Variants in SCUBE1 observed in about 807,000 individuals in gnomAD.
SCUBE1 encodes the protein signal peptide, CUB domain and EGF like domain containing 1.
Under a neutral mutation model 124.4 loss-of-function variants are expected in SCUBE1, and 59 were observed. The ratio of observed to expected loss-of-function variants is 0.47; its 90% CI spans 0.38 to 0.59. The LOEUF is 0.59. Ranked by LOEUF, SCUBE1 falls within the 20% of genes least tolerant of loss-of-function variation. SCUBE1 has a pLI of 0.00. For synonymous variants in SCUBE1, 545 were observed against 550.9 expected (o/e 0.99, Z 0.15); for missense variants, 1,150 against 1,371.2 (o/e 0.84, Z 2.55).
At chr22:43,235,089 G>C (rs1400610016) in intron 7 of SCUBE1, among the ~76,000 whole-genome samples, 2 of 152,192 alleles carry the variant, frequency 1.3e-5, no homozygotes, top group African/African-American at 2.4e-5. Context: ...GGGGGTGGCT[G>C]TTCCTGTCTG....
intron 8 of SCUBE1, among the ~76,000 whole-genome samples, chr22:43,231,287 T>C (rs1314642574): frequency 6.6e-6 from 1 of 152,232 alleles, no homozygotes; most frequent in Non-Finnish European, 1.5e-5. Context: ...TCCTGCTGCA[T>C]CCTGGATCCC....
At chr22:43,242,484 G>T (rs1378021113) in intron 6 of SCUBE1, among the ~76,000 whole-genome samples, 1 of 152,238 alleles carries the variant, frequency 6.6e-6, no homozygotes, top group Non-Finnish European at 1.5e-5. Context: ...GCCCGGTGGG[G>T]AGGTTGGGGG....
In SCUBE1 at chr22:43,201,350, A is replaced by C. The variant is rs1324847158; in HGVS notation, c.*2647T>G. On this transcript the variant is annotated 3_prime_UTR_variant, in exon 22 of 22. Transcript: ENST00000360835. ...AAAGAAAACAAAAAAAGAAAACAAA[A>C]AACAAAACAAAAAAAACAAAACAAA... 1.5e-5 allele frequency: 2 copies of C among 130,358 alleles called. No homozygotes were observed. The highest frequency in any genetic ancestry group is 5.0e-5 in the African/African-American group (2 of 39,682). 8.1% of individuals were successfully genotyped at this position (130,358 alleles called of 1,614,324 possible). A position where few individuals can be genotyped will look rare whatever the true frequency, so the allele number is the denominator to read the frequency against.
In SCUBE1 at chr22:43,211,502, G is replaced by A. The variant is rs1182819600; in HGVS notation, c.2222-419C>T. ...GAGTCTGAGGGGTGCCGGGGCGGGGGGCTAGAGATGGGCAATTCTTTTTTT... is the reference window on the plus strand; with the variant it reads ...GAGTCTGAGGGGTGCCGGGGCGGGGAGCTAGAGATGGGCAATTCTTTTTTT... On this transcript the variant is annotated intron_variant, in intron 17 of 21. Transcript: ENST00000360835. The surrounding 1 kb of genome is among the most constrained non-coding windows in gnomAD (Gnocchi z 4.5). Among the ~76,000 whole-genome samples, 2 of 151,888 alleles carry A rather than the reference G, an allele frequency of 1.3e-5. No individual in the cohort carries two copies. The highest frequency in any genetic ancestry group is 2.4e-5 in the African/African-American group (1 of 41,276).
chr22:43,292,402 A>C (rs969385413), intron 3 of SCUBE1, among the ~76,000 whole-genome samples: 1 of 152,184 alleles, frequency 6.6e-6, no homozygotes, highest in Non-Finnish European at 1.5e-5. Flanking sequence ...CAATTACCAG[A>C]GTCATAACCC....
At chr22:43,230,438 G>A (rs1028466102) in intron 8 of SCUBE1, among the ~76,000 whole-genome samples, 4 of 152,090 alleles carry the variant, frequency 2.6e-5, no homozygotes, top group Non-Finnish European at 5.9e-5. Context: ...CCTGGAAGGG[G>A]GTGGAAAAGA....
At chr22:43,285,991 C>T (rs1204506291) in intron 4 of SCUBE1, among the ~76,000 whole-genome samples, 1 of 152,206 alleles carries the variant, frequency 6.6e-6, no homozygotes, top group African/African-American at 2.4e-5. Flanking sequence ...TCTCCCTCTG[C>T]TGAATGAACA....
At position 43,340,344 on chromosome 22, in the gene SCUBE1, G is replaced by C. The variant is rs778590880; in HGVS notation, c.89-1109C>G. 7.3e-4 allele frequency among the ~76,000 whole-genome samples: 111 copies of C among 152,156 alleles called. 1 individual carries two copies. The highest frequency in any genetic ancestry group is 1.5e-3 in the Non-Finnish European group (99 of 68,004). On this transcript the variant is annotated intron_variant, in intron 1 of 21. Transcript: ENST00000360835. The stretch of plus-strand genomic sequence containing the variant: ...TGCAAGTTCAGTCTAGGCTTTGAGG[G>C]CTCCCGACACTCTCTACCTCCTGCC...
chr22:43,214,047 G>GGGGGCCCCCCCCCC, intron 16 of SCUBE1, 43 bp downstream of exon 16: 3 of 143,440 alleles, frequency 2.1e-5, no homozygotes, highest in Non-Finnish European at 3.9e-5. Flanking sequence ...AGGAGCCCCC[G>GGGGGCCCCCCCCCC]CCCACCCCCC....
At chr22:43,339,681 A>ACC (rs1927215715) in intron 1 of SCUBE1, among the ~76,000 whole-genome samples, 1 of 46,214 alleles carries the variant, frequency 2.2e-5, no homozygotes, top group African/African-American at 8.4e-5. Flanking sequence ...TCCTCACTCT[A>ACC]TCCCCCCACA....
chr22:43,220,903 C>T (rs1922062248), intron 13 of SCUBE1, among the ~76,000 whole-genome samples: 1 of 152,146 alleles, frequency 6.6e-6, no homozygotes, highest in East Asian at 1.9e-4. Flanking sequence ...GAGCCTGCTG[C>T]GTGCTGAGAG....
rs1030693736 is a variant in SCUBE1 at position 43,200,400 on chromosome 22, C to T, written c.*3597G>A. 20 of 152,508 alleles carry T rather than the reference C, an allele frequency of 1.3e-4. No homozygotes were observed. Among genetic ancestry groups the T allele is most frequent in the African/African-American group, 4.3e-4 (18 of 41,600 alleles). The allele number at this position is 152,508 out of a possible 1,614,324, so 9.4% of individuals were successfully genotyped here. Reference sequence around the variant, plus strand: ...CCAGCTTCCATTTTTTCTTGGGCCTCGTTACGTGGATCCGTCCTACCTGGC... The same window carrying T: ...CCAGCTTCCATTTTTTCTTGGGCCTTGTTACGTGGATCCGTCCTACCTGGC... On this transcript the variant is annotated 3_prime_UTR_variant, in exon 22 of 22. Transcript: ENST00000360835.
At chr22:43,231,286 A>C (rs1922540897) in intron 8 of SCUBE1, among the ~76,000 whole-genome samples, 1 of 152,182 alleles carries the variant, frequency 6.6e-6, no homozygotes, top group Non-Finnish European at 1.5e-5. Flanking sequence ...CTCCTGCTGC[A>C]TCCTGGATCC....
chr22:43,321,914 T>C (rs1257470073), intron 2 of SCUBE1, among the ~76,000 whole-genome samples: 9 of 136,856 alleles, frequency 6.6e-5, no homozygotes, highest in African/African-American at 1.1e-4. Flanking sequence ...AATACACTTA[T>C]AAATTACAAA....
At chr22:43,245,865 G>A (rs1923189832) in intron 6 of SCUBE1, among the ~76,000 whole-genome samples, 1 of 152,182 alleles carries the variant, frequency 6.6e-6, no homozygotes, top group Admixed American at 6.5e-5. Context: ...CAGCAGGCGG[G>A]GCCTCAATTC....
chr22:43,271,623 G>A (rs886327240), intron 4 of SCUBE1, among the ~76,000 whole-genome samples: 13 of 152,092 alleles, frequency 8.5e-5, no homozygotes, highest in African/African-American at 2.9e-4. Flanking sequence ...AGAAACACAC[G>A]GCTCTGCCTT....
Position 43,238,819 on chromosome 22 carries a change from C to A in SCUBE1, c.844+19G>T. On this transcript the variant is annotated intron_variant, in intron 7 of 21. Transcript: ENST00000360835. ...AGGCCAGTACAGGCAGGGGCACCCA[C>A]ACAGCTCCACATGCTGACCTTTGCA... 6.2e-7 allele frequency: 1 copy of A among 1,601,500 alleles called. No individual in the cohort carries two copies. The highest frequency in any genetic ancestry group is 1.1e-5 in the South Asian group (1 of 90,846).
rs921797312 is a variant in SCUBE1, at chr22:43,200,327, T to C, written c.*3670A>G. The C allele has an allele frequency of 1.3e-5, 2 of 152,346 alleles. No homozygotes were observed. The highest frequency in any genetic ancestry group is 2.9e-5 in the Non-Finnish European group (2 of 68,116). 9.4% of individuals were successfully genotyped at this position (152,346 alleles called of 1,614,324 possible). A position where few individuals can be genotyped will look rare whatever the true frequency, so the allele number is the denominator to read the frequency against. On this transcript the variant is annotated 3_prime_UTR_variant, in exon 22 of 22. Transcript: ENST00000360835. ...TCAGGCGACAGTCGAGGAGGGGCTA[T>C]GCCGGCCTCCCCTCAGACAGCATGG...
rs188964601 is a variant in SCUBE1, at chr22:43,293,077, G to T, written c.350-1897C>A. Reference sequence around the variant, plus strand: ...CCAGTGCCCATGCCACCTTTGCTGGGCGCAGCCCCTAGGGGTGGCGAGTGG... The same window carrying T: ...CCAGTGCCCATGCCACCTTTGCTGGTCGCAGCCCCTAGGGGTGGCGAGTGG... On this transcript the variant is annotated intron_variant, in intron 3 of 21. Coordinates refer to ENST00000360835, the MANE Select transcript of SCUBE1 (RefSeq NM_173050.5). Among the ~76,000 whole-genome samples the T allele has an allele frequency of 5.1e-4, 78 of 152,328 alleles. No individual in the cohort carries two copies. The East Asian group carries it at 0.014, about 27-fold the overall frequency.
Sources: allele counts gnomAD v4.1 joint callset (sites outside exome capture counted in the v4.1 genomes callset), GRCh38; gene constraint gnomAD v4.1.1; non-coding constraint Gnocchi (gnomAD v3.1); transcripts MANE v1.5; gene names NCBI Gene and HGNC (gene_info 2026-07-23, HGNC 2026-07-21).